The following CHRM3 variants were observed in gnomAD, a reference collection of about 807,000 sequenced individuals.
CHRM3 encodes muscarinic acetylcholine receptor M3.
CHRM3 carries 11 observed loss-of-function variants against 41.8 expected under a neutral mutation model. The ratio of observed to expected loss-of-function variants is 0.26; its 90% CI spans 0.17 to 0.44. The LOEUF (loss-of-function observed/expected upper bound fraction) is 0.44. Among genes scored for constraint, CHRM3 ranks in the 20% least tolerant of loss-of-function variants. The probability of loss-of-function intolerance (pLI) is 1.00; values close to 1 mark genes in which losing one functional copy is unlikely to be tolerated. For synonymous variants in CHRM3, 297 were observed against 301.4 expected (o/e 0.99, Z 0.15); for missense variants, 571 against 745.4 (o/e 0.77, Z 2.72).
chr1:239,735,252 C>T (rs1664298294), intron 5 of CHRM3, among the ~76,000 whole-genome samples: 1 of 152,100 alleles, frequency 6.6e-6, no homozygotes, highest in Non-Finnish European at 1.5e-5. Flanking sequence ...TCTATCCCCA[C>T]ATTATAGATT....
At chr1:239,611,700 T>C (rs929522214) in intron 3 of CHRM3, among the ~76,000 whole-genome samples, 2 of 152,202 alleles carry the variant, frequency 1.3e-5, no homozygotes, top group African/African-American at 2.4e-5. Context: ...ATTACAGGCA[T>C]GAGCCACCGC....
At chr1:239,452,371 G>A (rs1156679699) in intron 1 of CHRM3, among the ~76,000 whole-genome samples, 1 of 152,198 alleles carries the variant, frequency 6.6e-6, no homozygotes, top group Non-Finnish European at 1.5e-5. Context: ...AGCTTCAGGA[G>A]GTTGAGACTG....
intron 3 of CHRM3, among the ~76,000 whole-genome samples, chr1:239,561,046 C>T (rs942721898): frequency 2.0e-5 from 3 of 152,178 alleles, no homozygotes; most frequent in Non-Finnish European, 4.4e-5. Flanking sequence ...CATCCCACAT[C>T]TGCCTCCTTC....
chr1:239,492,686 C>T (rs1341711675), intron 1 of CHRM3, 23 bp from the exon 2 acceptor site: 1 of 152,176 alleles, frequency 6.6e-6, no homozygotes, highest in Non-Finnish European at 1.5e-5. Context: ...TGCTGAGGGA[C>T]CGTCTTTTTT....
At chr1:239,725,539 T>C (rs1306555168) in intron 5 of CHRM3, among the ~76,000 whole-genome samples, 5 of 151,944 alleles carry the variant, frequency 3.3e-5, no homozygotes, top group African/African-American at 9.7e-5. Context: ...CATAATTGCC[T>C]CATTTATTAG....
At chr1:239,732,830 A>C (rs1664068681) in intron 5 of CHRM3, among the ~76,000 whole-genome samples, 1 of 142,138 alleles carries the variant, frequency 7.0e-6, no homozygotes, top group African/African-American at 2.5e-5. Context: ...TTAGATAAGT[A>C]TACCTAATAT....
intron 5 of CHRM3, among the ~76,000 whole-genome samples, chr1:239,755,384 G>T (rs1297156818): frequency 6.6e-6 from 1 of 152,122 alleles, no homozygotes; most frequent in Non-Finnish European, 1.5e-5. Context: ...CATAGTAAAA[G>T]CAATAAAGTT....
intron 6 of CHRM3, among the ~76,000 whole-genome samples, chr1:239,856,159 C>A (rs936624778): frequency 6.6e-6 from 1 of 152,168 alleles, no homozygotes; most frequent in Non-Finnish European, 1.5e-5. Context: ...CTCCACCACA[C>A]CAACTTATTT....
chr1:239,806,578 G>A (rs1235516806), intron 5 of CHRM3, among the ~76,000 whole-genome samples: 1 of 152,218 alleles, frequency 6.6e-6, no homozygotes, highest in African/African-American at 2.4e-5. Flanking sequence ...CATTAGGCCT[G>A]CATAGTTGCA....
intron 5 of CHRM3, among the ~76,000 whole-genome samples, chr1:239,679,305 C>G (rs1010556364): frequency 2.6e-5 from 4 of 152,062 alleles, no homozygotes; most frequent in African/African-American, 9.7e-5. Context: ...TGCCTCCTCC[C>G]CTGCCCCCAT....
chr1:239,673,765 C>A lies in CHRM3; in HGVS notation c.-249-4421C>A, dbSNP rs188479605. On this transcript the variant is annotated intron_variant, in intron 4 of 6. Coordinates refer to ENST00000676153, the MANE Select transcript of CHRM3 (RefSeq NM_001375978.1). ...GCTTTTGTTATCATTTTCCTTGTTG[C>A]TACCTATTTATCACTTATGGCTACT... Among the ~76,000 whole-genome samples the A allele has an allele frequency of 6.3e-4, 96 of 152,088 alleles. 1 individual carries two copies. Among genetic ancestry groups the A allele is most frequent in the Admixed American group, 4.3e-3 (65 of 15,274 alleles).
At chr1:239,598,909 C>T (rs1363912863) in intron 3 of CHRM3, among the ~76,000 whole-genome samples, 30 of 150,690 alleles carry the variant, frequency 2.0e-4, no homozygotes, top group East Asian at 2.0e-4. Flanking sequence ...CACGCATGGA[C>T]GCTTCCCACT....
intron 2 of CHRM3, among the ~76,000 whole-genome samples, chr1:239,533,568 T>TAA (rs532423746): frequency 5.0e-5 from 7 of 139,906 alleles, no homozygotes; most frequent in African/African-American, 1.6e-4. Flanking sequence ...CCGTCTCTAC[T>TAA]AAAAAAAAAA....
At chr1:239,551,112 A>G (rs1286433790) in intron 3 of CHRM3, among the ~76,000 whole-genome samples, 3 of 149,728 alleles carry the variant, frequency 2.0e-5, no homozygotes, top group Non-Finnish European at 4.5e-5. Flanking sequence ...GTCATTTGGG[A>G]AAGGTGGAAA....
intron 4 of CHRM3, among the ~76,000 whole-genome samples, chr1:239,658,116 T>C (rs1672874788): frequency 6.6e-6 from 1 of 152,132 alleles, no homozygotes; most frequent in African/African-American, 2.4e-5. Flanking sequence ...AGACTGAGAG[T>C]TAAGTATCTA....
chr1:239,537,499 C>T (rs1462895296), intron 2 of CHRM3, among the ~76,000 whole-genome samples: 1 of 152,074 alleles, frequency 6.6e-6, no homozygotes, highest in Admixed American at 6.6e-5. Context: ...CCAAACTTCT[C>T]CCACCAGGCC....
chr1:239,645,724 A>G (rs1558415669), intron 4 of CHRM3, among the ~76,000 whole-genome samples: 2 of 152,200 alleles, frequency 1.3e-5, no homozygotes, highest in African/African-American at 4.8e-5. Flanking sequence ...GACATCAAAA[A>G]TAAACTAAAT....
At chr1:239,558,628 A>C (rs1660590753) in intron 3 of CHRM3, among the ~76,000 whole-genome samples, 1 of 152,210 alleles carries the variant, frequency 6.6e-6, no homozygotes, top group Non-Finnish European at 1.5e-5. Flanking sequence ...TGACAGCCGG[A>C]ACTTGGGCAG....
At chr1:239,781,692 A>G (rs1156458690) in intron 5 of CHRM3, among the ~76,000 whole-genome samples, 2 of 152,140 alleles carry the variant, frequency 1.3e-5, no homozygotes, top group Non-Finnish European at 2.9e-5. Flanking sequence ...CTTGCCTTGT[A>G]CATGATATTA....
Sources: allele counts gnomAD v4.1 joint callset (sites outside exome capture counted in the v4.1 genomes callset), GRCh38; gene constraint gnomAD v4.1.1; transcripts MANE v1.5; gene names NCBI Gene and HGNC (gene_info 2026-07-23, HGNC 2026-07-21).